Variants in GALK2 observed in about 807,000 individuals in gnomAD.
GALK2 encodes galactokinase 2, also known as N-acetylgalactosamine kinase.
In GALK2, 36 loss-of-function variants were observed where a neutral mutation model predicts 52.4. The observed-to-expected ratio is 0.69, with a 90% CI of 0.53 to 0.91. GALK2 has a LOEUF of 0.91. Among genes scored for constraint, GALK2 ranks in the 40% least tolerant of loss-of-function variants. The pLI is 0.00. For synonymous variants in GALK2, 176 were observed against 199.1 expected (o/e 0.88, Z 0.98); for missense variants, 579 against 559.1 (o/e 1.04, Z -0.36).
chr15:49,157,966 T>C (rs1242092565), intron 1 of GALK2, among the ~76,000 whole-genome samples: 1 of 152,096 alleles, frequency 6.6e-6, no homozygotes, highest in African/African-American at 2.4e-5. Context: ...ATAAGTGAAA[T>C]AGTAAAGGAC....
At chr15:49,280,949 G>A (rs1001892875) in intron 5 of GALK2, among the ~76,000 whole-genome samples, 11 of 152,152 alleles carry the variant, frequency 7.2e-5, no homozygotes, top group Non-Finnish European at 1.5e-4. Context: ...AGACTCTCCT[G>A]CCTCAGCCTC....
chr15:49,360,695 C>T (rs1243908267), intron 3 of GALK2, among the ~76,000 whole-genome samples: 1 of 152,084 alleles, frequency 6.6e-6, no homozygotes, highest in African/African-American at 2.4e-5. Context: ...CTGTTTTACT[C>T]ATAATTCAAA....
At chr15:49,180,631 T>C (rs1267956774) in intron 1 of GALK2, among the ~76,000 whole-genome samples, 3 of 152,202 alleles carry the variant, frequency 2.0e-5, no homozygotes, top group South Asian at 4.1e-4. Flanking sequence ...TTTCTCAATA[T>C]GGCATAAGGC....
rs1350435496 is a variant in GALK2, at chr15:49,265,815, T to C, written c.505-16172T>C. Among the ~76,000 whole-genome samples, 14 of 152,142 alleles carry C rather than the reference T, an allele frequency of 9.2e-5. 1 individual carries two copies. Among genetic ancestry groups the C allele is most frequent in the Admixed American group, 9.2e-4 (14 of 15,276 alleles). ...TCTTTGGGCTTCTGTGAAGATAAAA[T>C]ATTCCAAAAGCGCTTGTGAGTTTTT... On this transcript the variant is annotated intron_variant, in intron 5 of 9. Transcript: ENST00000560031.
chr15:49,320,562 G>A (rs977880522), intron 9 of GALK2, among the ~76,000 whole-genome samples: 2 of 152,204 alleles, frequency 1.3e-5, no homozygotes, highest in African/African-American at 4.8e-5. Flanking sequence ...AGAACACAAT[G>A]CTACACTACA....
At chr15:49,230,776 G>A (rs1263794858) in intron 3 of GALK2, among the ~76,000 whole-genome samples, 1 of 152,186 alleles carries the variant, frequency 6.6e-6, no homozygotes, top group Non-Finnish European at 1.5e-5. Context: ...TATGTAAGTG[G>A]AAAGTATTAA....
At position 49,239,560 on chromosome 15, in the gene GALK2, T is replaced by G. The variant is rs2090994412; in HGVS notation, c.504+193T>G. ...TTATACCCTCCAAACAGTGAGTGAA[T>G]AGATCTGTGAATAACTGTATAAAAA... On this transcript the variant is annotated intron_variant, in intron 5 of 9. Coordinates refer to ENST00000560031, the MANE Select transcript of GALK2 (RefSeq NM_002044.4). Among the ~76,000 whole-genome samples, 3 of 152,228 alleles carry G rather than the reference T, an allele frequency of 2.0e-5. No individual in the cohort carries two copies. In the South Asian group the frequency reaches 6.2e-4, roughly 31 times the overall value.
intron 4 of GALK2, among the ~76,000 whole-genome samples, chr15:49,238,027 C>T (rs1191856859): frequency 1.3e-5 from 2 of 152,092 alleles, no homozygotes; most frequent in Admixed American, 6.5e-5. Flanking sequence ...ATTTTGCTAG[C>T]TAGGACAGAC....
At chr15:49,338,907 G>A (rs930011106) in intron 3 of GALK2, among the ~76,000 whole-genome samples, 1 of 151,752 alleles carries the variant, frequency 6.6e-6, no homozygotes, top group East Asian at 1.9e-4. Flanking sequence ...CCTTTCTACC[G>A]CTTGATCAAT....
At chr15:49,215,125 T>G (rs535438185) in intron 2 of GALK2, among the ~76,000 whole-genome samples, 3 of 152,334 alleles carry the variant, frequency 2.0e-5, no homozygotes, top group Admixed American at 2.0e-4. Context: ...GTTCTTTGCT[T>G]CTTTTCTTTT....
intron 5 of GALK2, among the ~76,000 whole-genome samples, chr15:49,252,042 G>T (rs2091625252): frequency 6.6e-6 from 1 of 152,112 alleles, no homozygotes; most frequent in South Asian, 2.1e-4. Context: ...AAGGCGGGTG[G>T]ATCACTTGAG....
At chr15:49,226,369 G>GCTT (rs1166590144) in intron 3 of GALK2, among the ~76,000 whole-genome samples, 1 of 152,114 alleles carries the variant, frequency 6.6e-6, no homozygotes, top group Admixed American at 6.6e-5. Flanking sequence ...AAGGTTCCCA[G>GCTT]CTTCTTCTCT....
At chr15:49,252,220 C>T (rs1316418772) in intron 5 of GALK2, among the ~76,000 whole-genome samples, 6 of 152,076 alleles carry the variant, frequency 3.9e-5, no homozygotes, top group East Asian at 1.9e-4. Flanking sequence ...GAGGCGAGAT[C>T]GCACCATTGC....
intron 2 of GALK2, among the ~76,000 whole-genome samples, chr15:49,204,300 T>A (rs904978501): frequency 2.6e-5 from 4 of 151,886 alleles, no homozygotes; most frequent in Admixed American, 2.0e-4. Context: ...TCTTTTATTT[T>A]TTTTTTTGGC....
intron 3 of GALK2, among the ~76,000 whole-genome samples, chr15:49,367,022 T>C (rs1224823846): frequency 6.6e-6 from 1 of 152,214 alleles, no homozygotes; most frequent in Non-Finnish European, 1.5e-5. Flanking sequence ...AATTTTTTAA[T>C]GTGTAAAAAA....
intron 5 of GALK2, among the ~76,000 whole-genome samples, chr15:49,246,207 T>C (rs749863009): frequency 2.0e-4 from 30 of 152,346 alleles, no homozygotes; most frequent in Middle Eastern, 3.4e-3. Flanking sequence ...TTTCTGTCTG[T>C]TCTTGGAGTT....
At chr15:49,166,834 T>A (rs2084838900), upstream of GALK2, among the ~76,000 whole-genome samples, 1 of 152,232 alleles carries the variant, frequency 6.6e-6, no homozygotes, top group African/African-American at 2.4e-5. Context: ...TTCTCCCAAT[T>A]GTGAACAATA....
chr15:49,192,822 A>T (rs891339808), intron 1 of GALK2, among the ~76,000 whole-genome samples: 6 of 151,584 alleles, frequency 4.0e-5, no homozygotes, highest in Non-Finnish European at 5.9e-5. Flanking sequence ...CCTTTTAAAA[A>T]TTTTTTCTTT....
At chr15:49,181,581 G>A (rs1022453449) in intron 1 of GALK2, among the ~76,000 whole-genome samples, 8 of 142,818 alleles carry the variant, frequency 5.6e-5, no homozygotes, top group African/African-American at 1.6e-4. Flanking sequence ...GCACGATCTC[G>A]GCTCACTGCA....
Sources: allele counts gnomAD v4.1 joint callset (sites outside exome capture counted in the v4.1 genomes callset), GRCh38; gene constraint gnomAD v4.1.1; transcripts MANE v1.5; gene names NCBI Gene and HGNC (gene_info 2026-07-23, HGNC 2026-07-21).